DRD2: variants seen among roughly 807,000 people sequenced by gnomAD.
DRD2 encodes the protein dopamine receptor D2, also known as D(2) dopamine receptor.
DRD2 carries 8 observed loss-of-function variants against 38.0 expected under a neutral mutation model. The ratio of observed to expected loss-of-function variants is 0.21; its 90% confidence interval spans 0.12 to 0.38. The LOEUF (loss-of-function observed/expected upper bound fraction) is 0.38. Among genes scored for constraint, DRD2 ranks in the 10% least tolerant of loss-of-function variants. The pLI, the probability that DRD2 is intolerant of heterozygous loss-of-function variation, is 1.00. For missense variants in DRD2, 403 were observed against 607.7 expected, an observed-to-expected ratio of 0.66 and a Z score of 3.54; for synonymous variants, 230 against 238.6, an observed-to-expected ratio of 0.96 and a Z score of 0.33.
At chr11:113,436,015 C>G (rs907999554) in intron 1 of DRD2, among the ~76,000 whole-genome samples, 1 of 152,188 alleles carries the variant, frequency 6.6e-6, no homozygotes, top group African/African-American at 2.4e-5. Context: ...GCACAACCCA[C>G]GATCACACTG....
chr11:113,464,054 C>G (rs376865428), intron 1 of DRD2, among the ~76,000 whole-genome samples: 2 of 152,314 alleles, frequency 1.3e-5, no homozygotes, highest in African/African-American at 2.4e-5. Flanking sequence ...ATTTTCTTTC[C>G]TATTCCCTGT....
chr11:113,416,282 CTGATGAG>C (rs1950825734), intron 4 of DRD2, among the ~76,000 whole-genome samples: 1 of 152,210 alleles, frequency 6.6e-6, no homozygotes, highest in Non-Finnish European at 1.5e-5. Flanking sequence ...TCTTGCCTCC[CTGATGAG>C]AGGAAGTTCC....
At chr11:113,466,097 A>G (rs1461905083) in intron 1 of DRD2, among the ~76,000 whole-genome samples, 3 of 152,220 alleles carry the variant, frequency 2.0e-5, no homozygotes, top group Non-Finnish European at 4.4e-5. Context: ...CTCATGACCG[A>G]TAGAACAAAG....
At chr11:113,445,472 A>G (rs1211464426) in intron 1 of DRD2, among the ~76,000 whole-genome samples, 1 of 152,188 alleles carries the variant, frequency 6.6e-6, no homozygotes, top group Admixed American at 6.5e-5. Flanking sequence ...TCCGATACCC[A>G]GGTATCTGTG....
At chr11:113,461,243 C>T (rs1313121045) in intron 1 of DRD2, among the ~76,000 whole-genome samples, 2 of 152,222 alleles carry the variant, frequency 1.3e-5, no homozygotes, top group African/African-American at 2.4e-5. Flanking sequence ...TATGTCCTTA[C>T]AGACTGGCCA....
At chr11:113,473,249 T>C (rs1438179899) in intron 1 of DRD2, among the ~76,000 whole-genome samples, 1 of 152,190 alleles carries the variant, frequency 6.6e-6, no homozygotes, top group Non-Finnish European at 1.5e-5. Context: ...AATAAATGTA[T>C]ACAGACTCTC....
At chr11:113,430,785 G>C (rs1347449495) in intron 1 of DRD2, among the ~76,000 whole-genome samples, 1 of 152,238 alleles carries the variant, frequency 6.6e-6, no homozygotes, top group Non-Finnish European at 1.5e-5. Context: ...AAGAAGCCTG[G>C]TGAGTTCTTT....
chr11:113,410,601 AGGGCCTGCCG>A lies in DRD2; in HGVS notation c.*116_*125del, dbSNP rs1950759442. On this transcript the variant is annotated 3_prime_UTR_variant, in exon 8 of 8. Transcript: ENST00000362072. ...GAGCATGGAGCCAAGCGAACACTGC[AGGGCCTGCCG>A]GGGTGAAGAGGAGGCCGATCCACCC... 4 of 1,211,738 alleles carry A rather than the reference AGGGCCTGCCG, an allele frequency of 3.3e-6. No individual in the cohort carries two copies. Among genetic ancestry groups the A allele is most frequent in the Non-Finnish European group, 4.9e-6 (4 of 820,950 alleles). 75.1% of individuals were successfully genotyped at this position (1,211,738 alleles called of 1,614,324 possible).
At chr11:113,421,658 G>T (rs190169364) in intron 2 of DRD2, among the ~76,000 whole-genome samples, 2 of 152,276 alleles carry the variant, frequency 1.3e-5, no homozygotes, top group Admixed American at 6.5e-5. Flanking sequence ...AAGCCAGACA[G>T]ATGTTGGCAT....
intron 7 of DRD2, 96 bp downstream of exon 7, chr11:113,412,460 T>A: frequency 6.7e-7 from 1 of 1,481,592 alleles, no homozygotes; most frequent in Admixed American, 1.8e-5. Context: ...GAGGAAATGC[T>A]AGCCCCATGA....
intron 2 of DRD2, among the ~76,000 whole-genome samples, chr11:113,422,062 G>A (rs1316380194): frequency 1.3e-5 from 2 of 152,152 alleles, no homozygotes; most frequent in Non-Finnish European, 2.9e-5. Context: ...CCTGGGTAGG[G>A]ACAGGGGGTC....
chr11:113,410,706 C>T lies in DRD2; in HGVS notation c.*21G>A, dbSNP rs1950760750. 6.2e-7 allele frequency: 1 copy of T among 1,613,896 alleles called. No individual in the cohort carries two copies. Among genetic ancestry groups the T allele is most frequent in the African/African-American group, 1.3e-5 (1 of 75,030 alleles). On this transcript the variant is annotated 3_prime_UTR_variant, in exon 8 of 8. Coordinates refer to ENST00000362072, the MANE Select transcript of DRD2 (RefSeq NM_000795.4). Reference sequence around the variant, plus strand: ...GGGCAGGGAGGTGGGAAGCAGGCTGCTGTGCGGGCAGGCAGCAGAGTCAGC... The same window carrying T: ...GGGCAGGGAGGTGGGAAGCAGGCTGTTGTGCGGGCAGGCAGCAGAGTCAGC...
At chr11:113,471,540 TG>T (rs1191762306) in intron 1 of DRD2, among the ~76,000 whole-genome samples, 1 of 152,202 alleles carries the variant, frequency 6.6e-6, no homozygotes, top group Non-Finnish European at 1.5e-5. Flanking sequence ...GGGTGCCTGC[TG>T]AGAAGTTGAA....
chr11:113,411,050 G>A (rs962923693), intron 7 of DRD2, 130 bp from the exon 8 acceptor site: 3 of 1,017,764 alleles, frequency 2.9e-6, no homozygotes, highest in African/African-American at 1.6e-5. Flanking sequence ...TGTAGGAGGA[G>A]TCCAGGTCTT....
chr11:113,416,474 A>C (rs1591275428), intron 4 of DRD2, among the ~76,000 whole-genome samples: 1 of 152,250 alleles, frequency 6.6e-6, no homozygotes, highest in African/African-American at 2.4e-5. Context: ...TTACAAAAAT[A>C]CTATTGTCAG....
chr11:113,474,638 T>C (rs1347847639), intron 1 of DRD2, among the ~76,000 whole-genome samples: 3 of 151,908 alleles, frequency 2.0e-5, no homozygotes, highest in African/African-American at 2.4e-5. Flanking sequence ...CAGCCCTTCT[T>C]CCTCCGGAAG....
At chr11:113,432,791 T>G (rs576046853) in intron 1 of DRD2, among the ~76,000 whole-genome samples, 50 of 152,336 alleles carry the variant, frequency 3.3e-4, no homozygotes, top group Admixed American at 3.1e-3. Flanking sequence ...CACTTGGGGT[T>G]GGACCTTCTT....
chr11:113,469,753 T>G (rs1951404730), intron 1 of DRD2, among the ~76,000 whole-genome samples: 1 of 152,072 alleles, frequency 6.6e-6, no homozygotes, highest in South Asian at 2.1e-4. Flanking sequence ...AGCAGGAGGA[T>G]CACTTGAGCC....
At chr11:113,410,973 G>A (rs1049624320) in intron 7 of DRD2, 53 bp from the exon 8 acceptor site, 14 of 1,567,970 alleles carry the variant, frequency 8.9e-6, no homozygotes, top group Non-Finnish European at 1.2e-5. Flanking sequence ...AGGCACGGCT[G>A]GGAACACCCA....
Sources: allele counts gnomAD v4.1 joint callset (sites outside exome capture counted in the v4.1 genomes callset), GRCh38; gene constraint gnomAD v4.1.1; transcripts MANE v1.5; gene names NCBI Gene and HGNC (gene_info 2026-07-23, HGNC 2026-07-21).